Variants in SLC16A12 observed in about 807,000 individuals in gnomAD.
The protein encoded by SLC16A12 is solute carrier family 16 member 12.
Under a neutral mutation model 42.4 loss-of-function variants are expected in SLC16A12, and 17 were observed. The observed-to-expected ratio is 0.40, with a 90% CI of 0.27 to 0.60. The LOEUF (loss-of-function observed/expected upper bound fraction) is 0.60. Ranked by LOEUF, SLC16A12 falls within the 20% of genes least tolerant of loss-of-function variation. SLC16A12 has a pLI of 0.42. For missense variants in SLC16A12, 544 were observed against 623.0 expected, an observed-to-expected ratio of 0.87 and a Z score of 1.35; for synonymous variants, 224 against 229.4, an observed-to-expected ratio of 0.98 and a Z score of 0.21.
chr10:89,519,924 C>T (rs938949592), intron 2 of SLC16A12, among the ~76,000 whole-genome samples: 2 of 151,874 alleles, frequency 1.3e-5, no homozygotes, highest in African/African-American at 4.8e-5. Context: ...ACCAGCCTGG[C>T]CAACATGGTG....
At chr10:89,534,256 A>G (rs1446536962) in intron 2 of SLC16A12, among the ~76,000 whole-genome samples, 1 of 152,190 alleles carries the variant, frequency 6.6e-6, no homozygotes, top group African/African-American at 2.4e-5. Context: ...ACAGTTTGGC[A>G]CGACATTTAT....
chr10:89,473,178 G>T (rs1419177721), intron 2 of SLC16A12, among the ~76,000 whole-genome samples: 2 of 151,210 alleles, frequency 1.3e-5, no homozygotes, highest in Non-Finnish European at 2.9e-5. Flanking sequence ...AATCTATATG[G>T]AACTGCAAAT....
At chr10:89,433,472 T>C (rs1841726192) in intron 7 of SLC16A12, 146 bp from the exon 8 acceptor site, 2 of 813,438 alleles carry the variant, frequency 2.5e-6, no homozygotes, top group Non-Finnish European at 3.9e-6. Flanking sequence ...CACCTAAAAA[T>C]ATTGTGCAGC....
chr10:89,477,418 G>A (rs1461331150), intron 2 of SLC16A12, among the ~76,000 whole-genome samples: 1 of 151,988 alleles, frequency 6.6e-6, no homozygotes, highest in Non-Finnish European at 1.5e-5. Context: ...TACAAAATTA[G>A]CTGGGCGTGG....
chr10:89,441,085 C>A (rs1841900623), intron 5 of SLC16A12, 23 bp downstream of exon 5: 1 of 1,613,524 alleles, frequency 6.2e-7, no homozygotes, highest in South Asian at 1.1e-5. Context: ...TGGGGTGAGA[C>A]AGGTGGTACA....
At chr10:89,498,669 G>A (rs1054337279) in intron 2 of SLC16A12, among the ~76,000 whole-genome samples, 13 of 152,170 alleles carry the variant, frequency 8.5e-5, no homozygotes, top group African/African-American at 3.1e-4. Context: ...AATGACTGCA[G>A]GAATAAATCA....
chr10:89,492,587 G>T (rs1466166786), intron 2 of SLC16A12, among the ~76,000 whole-genome samples: 1 of 152,018 alleles, frequency 6.6e-6, no homozygotes, highest in Non-Finnish European at 1.5e-5. Flanking sequence ...TAAAATACAA[G>T]AGTATTTTTA....
At chr10:89,446,289 C>A (rs1842000702) in intron 3 of SLC16A12, among the ~76,000 whole-genome samples, 1 of 151,940 alleles carries the variant, frequency 6.6e-6, no homozygotes, top group Non-Finnish European at 1.5e-5. Context: ...AAGAGCAACC[C>A]CAAGACACAT....
intron 2 of SLC16A12, among the ~76,000 whole-genome samples, chr10:89,509,959 C>G (rs564043229): frequency 6.6e-6 from 1 of 152,120 alleles, no homozygotes; most frequent in East Asian, 1.9e-4. Flanking sequence ...AGACAGAGAG[C>G]CAATTCGTGA....
chr10:89,485,866 A>G (rs1842735562), intron 2 of SLC16A12, among the ~76,000 whole-genome samples: 1 of 152,204 alleles, frequency 6.6e-6, no homozygotes, highest in Admixed American at 6.5e-5. Flanking sequence ...AGGACATACA[A>G]TTGTAATAAA....
intron 6 of SLC16A12, among the ~76,000 whole-genome samples, chr10:89,438,264 A>G (rs1454228874): frequency 1.3e-5 from 2 of 152,254 alleles, no homozygotes; most frequent in Non-Finnish European, 1.5e-5. Context: ...CATGAAAATT[A>G]TAAGAGAAAT....
chr10:89,508,309 T>C (rs993927178), intron 2 of SLC16A12, among the ~76,000 whole-genome samples: 2 of 152,160 alleles, frequency 1.3e-5, no homozygotes, highest in Admixed American at 6.5e-5. Context: ...TATTCCAAAA[T>C]TGACCACATA....
chr10:89,544,948 T>C (rs559657835), intron 2 of SLC16A12, among the ~76,000 whole-genome samples: 1 of 152,300 alleles, frequency 6.6e-6, no homozygotes, highest in Non-Finnish European at 1.5e-5. Context: ...TCAGGCATCA[T>C]CTTATGATTG....
At chr10:89,513,719 T>G (rs181632362) in intron 2 of SLC16A12, among the ~76,000 whole-genome samples, 1 of 152,252 alleles carries the variant, frequency 6.6e-6, no homozygotes, top group East Asian at 1.9e-4. Flanking sequence ...CAGAGACCAG[T>G]AGAACAAGGG....
At chr10:89,496,540 A>G (rs1564589478) in intron 2 of SLC16A12, among the ~76,000 whole-genome samples, 1 of 152,196 alleles carries the variant, frequency 6.6e-6, no homozygotes, top group Non-Finnish European at 1.5e-5. Flanking sequence ...AAGAAATGCT[A>G]TAAAAACATT....
chr10:89,506,194 T>C (rs554702597), intron 2 of SLC16A12, among the ~76,000 whole-genome samples: 1 of 152,318 alleles, frequency 6.6e-6, no homozygotes, highest in South Asian at 2.1e-4. Flanking sequence ...AAGAGAGCAG[T>C]AGTTCTCCCA....
intron 3 of SLC16A12, among the ~76,000 whole-genome samples, chr10:89,461,157 A>G (rs1049356570): frequency 2.0e-5 from 3 of 152,184 alleles, no homozygotes; most frequent in African/African-American, 4.8e-5. Flanking sequence ...ATTTACTCCA[A>G]ATATAAATGA....
At chr10:89,537,735 A>G (rs923176837), upstream of SLC16A12, among the ~76,000 whole-genome samples, 1 of 150,058 alleles carries the variant, frequency 6.7e-6, no homozygotes, top group Non-Finnish European at 1.5e-5. Flanking sequence ...CATTTAAATA[A>G]TGTAGGACAA....
At chr10:89,522,081 T>C (rs891385243) in intron 2 of SLC16A12, among the ~76,000 whole-genome samples, 5 of 152,200 alleles carry the variant, frequency 3.3e-5, no homozygotes, top group Admixed American at 2.0e-4. Context: ...AGCGTCAAGT[T>C]TGACCACCTC....
Sources: gnomAD v4.1 joint callset for allele counts (sites outside exome capture counted in the v4.1 genomes callset) on GRCh38, gnomAD v4.1.1 for gene constraint, MANE v1.5 for transcripts, NCBI Gene and HGNC (gene_info 2026-07-23, HGNC 2026-07-21) for gene names.